TEX48: variants seen among roughly 807,000 people sequenced by gnomAD.
TEX48 encodes testis-expressed protein 48.
In TEX48, 10 loss-of-function variants were observed where a neutral mutation model predicts 13.2. The observed-to-expected ratio is 0.75, with a 90% CI of 0.47 to 1.28. TEX48 has a LOEUF of 1.28. TEX48 is among the 50% of genes most tolerant of loss of function. TEX48 has a pLI of 0.00. For missense variants in TEX48, 116 were observed against 139.4 expected (o/e 0.83, Z 0.84); for synonymous variants, 45 against 52.3 (o/e 0.86, Z 0.60).
Position 114,666,494 on chromosome 9 carries a change from T to C in TEX48, c.*149A>G, listed in dbSNP as rs1243295579. On this transcript the variant is annotated 3_prime_UTR_variant, in exon 5 of 5. Transcript: ENST00000436752. ...CTTCCCATGGTGGCTTTTTAGGAGCTGGAGTGACTCTTGCTTGGTGGCACA... is the reference window on the plus strand; with the variant it reads ...CTTCCCATGGTGGCTTTTTAGGAGCCGGAGTGACTCTTGCTTGGTGGCACA... The C allele has an allele frequency of 1.8e-6, 1 of 551,408 alleles. No individual in the cohort carries two copies. Among genetic ancestry groups the C allele is most frequent in the Non-Finnish European group, 3.2e-6 (1 of 316,386 alleles). 34.2% of individuals were successfully genotyped at this position (551,408 alleles called of 1,614,324 possible).
chr9:114,679,958 G>C (rs1199062078), intron 1 of TEX48, among the ~76,000 whole-genome samples: 4 of 152,008 alleles, frequency 2.6e-5, no homozygotes, highest in Non-Finnish European at 5.9e-5. Flanking sequence ...TAACACTCCC[G>C]TTGTGCCTGG....
chr9:114,673,809 CTT>C (rs34331435), intron 1 of TEX48, among the ~76,000 whole-genome samples: 211 of 143,210 alleles, frequency 1.5e-3, no homozygotes, highest in Middle Eastern at 3.5e-3. Context: ...TAAATGCAAA[CTT>C]TTTTTTTTTT....
chr9:114,666,717 A>C lies in TEX48; in HGVS notation c.289T>G (p.Phe97Val), dbSNP rs1375215354. The change falls in exon 5 of 5, where the codon TTT (phenylalanine) becomes GTT (valine). Residue 97 changes from phenylalanine (F) to valine (V), a missense_variant. Transcript: ENST00000436752. ...TAGCGGTTTAAGTTTCTCTTGTAAA[A>C]ATTTCTTTGGGAAGCATATGCATTC... The part of the protein sequence containing the change: ...DLNAYASQRN[F>V]YKRNLNRYCQ... The C allele has an allele frequency of 2.0e-6, 3 of 1,534,796 alleles. No individual in the cohort carries two copies. Among genetic ancestry groups the C allele is most frequent in the Non-Finnish European group, 1.7e-6 (2 of 1,146,276 alleles).
At chr9:114,668,150 C>T (rs1364993537) in intron 4 of TEX48, 56 bp downstream of exon 4, 1 of 1,531,532 alleles carries the variant, frequency 6.5e-7, no homozygotes, top group Non-Finnish European at 8.7e-7. Context: ...TTATTAGGAC[C>T]AGGCTCCCTG....
chr9:114,672,946 G>A (rs931205888), intron 1 of TEX48, among the ~76,000 whole-genome samples: 3 of 152,066 alleles, frequency 2.0e-5, no homozygotes, highest in Admixed American at 6.6e-5. Context: ...CTTGCGAAAA[G>A]GTCAATAGAA....
At chr9:114,671,072 A>G (rs1237582241) in intron 3 of TEX48, among the ~76,000 whole-genome samples, 3 of 152,122 alleles carry the variant, frequency 2.0e-5, no homozygotes, top group African/African-American at 7.2e-5. Context: ...GTACATTCAA[A>G]TTTACCTGGA....
intron 1 of TEX48, among the ~76,000 whole-genome samples, chr9:114,674,602 TTTCC>T (rs770645165): frequency 0.08 from 4,357 of 54,244 alleles, 171 homozygotes; most frequent in East Asian, 0.13. Context: ...TCTCTTTTTC[TTTCC>T]TTCCTTCCTT....
At chr9:114,671,211 G>A (rs954792159) in intron 3 of TEX48, among the ~76,000 whole-genome samples, 172 bp downstream of exon 3, 4 of 152,138 alleles carry the variant, frequency 2.6e-5, no homozygotes, top group Non-Finnish European at 2.9e-5. Context: ...AAGAGTTTAA[G>A]CTCTCTTGTT....
intron 3 of TEX48, among the ~76,000 whole-genome samples, chr9:114,668,627 G>A (rs1412906790): frequency 6.6e-6 from 1 of 152,126 alleles, no homozygotes; most frequent in African/African-American, 2.4e-5. Flanking sequence ...TCAGGGCAAA[G>A]TATGTATTCT....
chr9:114,673,589 C>T (rs1827991640), intron 1 of TEX48, among the ~76,000 whole-genome samples: 1 of 150,846 alleles, frequency 6.6e-6, no homozygotes. Flanking sequence ...AAGAAAGAAA[C>T]TGTAAACCTT....
intron 1 of TEX48, among the ~76,000 whole-genome samples, chr9:114,681,650 A>G (rs1828203307): frequency 6.6e-6 from 1 of 152,144 alleles, no homozygotes; most frequent in Non-Finnish European, 1.5e-5. Flanking sequence ...GGAGATGCCT[A>G]GGGGATGTGT....
chr9:114,678,116 C>T (rs1828110654), intron 1 of TEX48, among the ~76,000 whole-genome samples: 1 of 152,034 alleles, frequency 6.6e-6, no homozygotes, highest in Admixed American at 6.6e-5. Flanking sequence ...ACAAAAATGC[C>T]AAACATAAAT....
intron 3 of TEX48, 75 bp from the exon 4 acceptor site, chr9:114,668,412 C>A: frequency 7.1e-7 from 1 of 1,401,674 alleles, no homozygotes; most frequent in Non-Finnish European, 9.8e-7. Context: ...GTTTTGCAAG[C>A]TCTGAAGCAG....
intron 4 of TEX48, among the ~76,000 whole-genome samples, chr9:114,667,094 G>A (rs1004822868): frequency 2.6e-5 from 4 of 152,138 alleles, no homozygotes; most frequent in African/African-American, 7.2e-5. Flanking sequence ...TCACCCCTAT[G>A]GGGGGGTGGG....
intron 4 of TEX48, 126 bp downstream of exon 4, chr9:114,668,080 G>T: frequency 8.1e-7 from 1 of 1,234,346 alleles, no homozygotes; most frequent in Non-Finnish European, 1.1e-6. Context: ...GACTGGGGCT[G>T]CTTGATGGGA....
At chr9:114,678,510 C>T (rs560866143) in intron 1 of TEX48, among the ~76,000 whole-genome samples, 1 of 152,266 alleles carries the variant, frequency 6.6e-6, no homozygotes, top group Admixed American at 6.5e-5. Context: ...CTGTTCGTTA[C>T]TTATTGTCTT....
At chr9:114,673,471 C>CA (rs745988049) in intron 1 of TEX48, among the ~76,000 whole-genome samples, 10,244 of 106,842 alleles carry the variant, frequency 0.096, 584 homozygotes, top group South Asian at 0.11. Flanking sequence ...AACTCTGTCT[C>CA]AAAAAAAAAA....
At chr9:114,675,167 G>A (rs532986167) in intron 1 of TEX48, among the ~76,000 whole-genome samples, 2 of 152,288 alleles carry the variant, frequency 1.3e-5, no homozygotes, top group African/African-American at 4.8e-5. Flanking sequence ...GGTGTTTGTA[G>A]AATAAACTAG....
intron 1 of TEX48, among the ~76,000 whole-genome samples, chr9:114,679,303 CA>C (rs1402464146): frequency 1.3e-5 from 2 of 149,276 alleles, no homozygotes; most frequent in African/African-American, 5.0e-5. Flanking sequence ...CTAGATAAAA[CA>C]ACTGGCCCCT....
Sources: gnomAD v4.1 joint callset for allele counts (sites outside exome capture counted in the v4.1 genomes callset) on GRCh38, gnomAD v4.1.1 for gene constraint, MANE v1.5 for transcripts, NCBI Gene and HGNC (gene_info 2026-07-23, HGNC 2026-07-21) for gene names.